The following MTRF1 variants were observed in gnomAD, a reference collection of about 807,000 sequenced individuals.
MTRF1 encodes the protein peptide chain release factor 1, mitochondrial.
MTRF1 carries 51 observed loss-of-function variants against 62.9 expected under a neutral mutation model. The observed-to-expected ratio is 0.81, with a 90% confidence interval of 0.65 to 1.02. The LOEUF (loss-of-function observed/expected upper bound fraction) is 1.02. Among genes scored for constraint, MTRF1 ranks in the 50% least tolerant of loss-of-function variants. The probability of loss-of-function intolerance (pLI) is 0.00; values close to 1 mark genes in which losing one functional copy is unlikely to be tolerated. For missense variants in MTRF1, 446 were observed against 530.0 expected (o/e 0.84, Z 1.56); for synonymous variants, 158 against 181.9 (o/e 0.87, Z 1.06).
Position 41,223,252 on chromosome 13 carries a change from T to C in MTRF1, c.1224+4A>G. 1 of 1,599,720 alleles carries C rather than the reference T, an allele frequency of 6.3e-7. No individual in the cohort carries two copies. The highest frequency in any genetic ancestry group is 2.2e-5 in the East Asian group (1 of 44,710). ...GGTAGGCAAAGCATACTCAGTAGTA[T>C]TACCTTAATATCACGAACTTCATAT... On this transcript the variant is annotated splice_donor_region_variant and intron_variant, in intron 9 of 9. Transcript: ENST00000379480.
chr13:41,290,183 G>A, the MTRF1 span, among the ~76,000 whole-genome samples: 1 of 131,160 alleles, frequency 7.6e-6, no homozygotes, highest in African/African-American at 2.9e-5. Context: ...TGCAACCTCC[G>A]CCTCCCGGGT....
intron 5 of MTRF1, among the ~76,000 whole-genome samples, chr13:41,246,487 T>A (rs1288695446): frequency 1.3e-5 from 2 of 152,178 alleles, no homozygotes; most frequent in Non-Finnish European, 2.9e-5. Context: ...CCCTTGAAAA[T>A]GCCTTAGGAA....
chr13:41,240,429 T>G lies in MTRF1; in HGVS notation c.702A>C (p.Gly234=), dbSNP rs777697458. The G allele has an allele frequency of 1.9e-6, 3 of 1,612,878 alleles. No individual in the cohort carries two copies. The highest frequency in any genetic ancestry group is 2.5e-6 in the Non-Finnish European group (3 of 1,179,448). The part of the protein sequence containing the change: ...LLNYTPADYG[G]LHHAAARISG... ...AAATTCGGGCGGCTGCATGATGTAG[T>G]CCACCTAGGGGAACAACAATCCAGA... is the stretch of plus-strand genomic sequence containing the variant. Residue 234 remains glycine, a synonymous_variant, in exon 6 of 10, where the codon GGA becomes GGC. Coordinates refer to ENST00000379480, the MANE Select transcript of MTRF1 (RefSeq NM_004294.4).
At chr13:41,283,132 A>G in the MTRF1 span, among the ~76,000 whole-genome samples, 2 of 152,224 alleles carry the variant, frequency 1.3e-5, no homozygotes, top group Non-Finnish European at 2.9e-5. Context: ...AGAGCTGTTC[A>G]TTGGGCACTA....
chr13:41,302,980 T>C, the MTRF1 span, among the ~76,000 whole-genome samples: 3 of 152,172 alleles, frequency 2.0e-5, no homozygotes, highest in Non-Finnish European at 4.4e-5. Context: ...AGGTGGAACC[T>C]GTAATTCCAG....
At chr13:41,309,431 C>T in the MTRF1 span, among the ~76,000 whole-genome samples, 1 of 151,410 alleles carries the variant, frequency 6.6e-6, no homozygotes, top group South Asian at 2.1e-4. Flanking sequence ...TCAGGGTGAT[C>T]CGCCTGCCTC....
chr13:41,301,064 T>TGCTTTGTGTCCAATAAGACACAAATA, the MTRF1 span, among the ~76,000 whole-genome samples: 4 of 152,214 alleles, frequency 2.6e-5, no homozygotes, highest in Non-Finnish European at 5.9e-5. Flanking sequence ...AATAGCAAAT[T>TGCTTTGTGTCCAATAAGACACAAATA]GCATATAGTG....
the MTRF1 span, among the ~76,000 whole-genome samples, chr13:41,307,187 G>GCCC: frequency 6.0e-5 from 9 of 151,130 alleles, no homozygotes; most frequent in South Asian, 1.9e-3. Flanking sequence ...TTGGATTTGT[G>GCCC]CCCCCCCCAC....
chr13:41,285,484 C>T, the MTRF1 span, among the ~76,000 whole-genome samples: 18 of 152,330 alleles, frequency 1.2e-4, no homozygotes, highest in Non-Finnish European at 2.2e-4. Context: ...TGGCAACAAA[C>T]CCATTGCATT....
At position 41,252,972 on chromosome 13, in the gene MTRF1, A is replaced by G; in HGVS notation, c.566T>C (p.Val189Ala). 6.2e-7 allele frequency: 1 copy of G among 1,606,780 alleles called. No individual in the cohort carries two copies. The highest frequency in any genetic ancestry group is 8.5e-7 in the Non-Finnish European group (1 of 1,177,160). ...ACCTCCAGTAGTCCTTCCAGCTGTC[A>G]CCTCTAAAATAACATCATTTTTGTC... is the stretch of plus-strand genomic sequence containing the variant. ...KYDKNDVILE[V>A]TAGRTTGGDI... The change falls in exon 4 of 10, where the codon GTG (valine) becomes GCG (alanine). Residue 189 changes from valine (V) to alanine (A), a missense_variant. By Grantham distance (64) the Val-to-Ala change is moderately conservative. Transcript: ENST00000379480.
At chr13:41,248,330 C>A (rs1433023336) in intron 5 of MTRF1, among the ~76,000 whole-genome samples, 1 of 152,190 alleles carries the variant, frequency 6.6e-6, no homozygotes, top group Non-Finnish European at 1.5e-5. Flanking sequence ...CCATGTTGGC[C>A]AAGATGGTCT....
rs144028093 is a variant in MTRF1 at position 41,239,900 on chromosome 13, C to T, written c.870+361G>A. ...TTTCGGCTGGGTGCGGTGGCTCACA[C>T]CTGTAATCCCACCACTTTGGAAGGG... On this transcript the variant is annotated intron_variant, in intron 6 of 9. Coordinates refer to ENST00000379480, the MANE Select transcript of MTRF1 (RefSeq NM_004294.4). Among the ~76,000 whole-genome samples, 1,436 of 152,208 alleles carry T rather than the reference C, an allele frequency of 9.4e-3. 22 individuals carry two copies. Among genetic ancestry groups the T allele is most frequent in the African/African-American group, 0.033 (1,353 of 41,508 alleles).
chr13:41,249,264 G>T (rs545801104), intron 5 of MTRF1, among the ~76,000 whole-genome samples: 22 of 152,142 alleles, frequency 1.4e-4, no homozygotes, highest in African/African-American at 4.6e-4. Flanking sequence ...TTTTTAGGCC[G>T]GGCGCGGTGG....
Position 41,240,282 on chromosome 13 carries a change from A to G in MTRF1, c.849T>C (p.Ile283=). The change falls in exon 6 of 10, where the codon ATT becomes ATC. Residue 283 remains isoleucine (I), a synonymous_variant. Transcript: ENST00000379480. ...QRIHTGTMSV[I]VLPQPDEVDV... is the part of the protein sequence containing the mutation. ...TTACCTCATCTGGCTGAGGAAGGAC[A>G]ATAACCGACATCGTTCCTGTGTGAA... 2 of 1,610,334 alleles carry G rather than the reference A, an allele frequency of 1.2e-6. No homozygotes were observed. The highest frequency in any genetic ancestry group is 1.3e-5 in the African/African-American group (1 of 74,868).
chr13:41,270,737 T>G, the MTRF1 span, among the ~76,000 whole-genome samples: 1 of 128,274 alleles, frequency 7.8e-6, no homozygotes, highest in Non-Finnish European at 1.7e-5. Flanking sequence ...TATTTTTTAT[T>G]TTTTAATTTA....
rs202192139 is a variant in MTRF1 at position 41,254,555 on chromosome 13, G to A, written c.481C>T (p.Gln161Ter). 6.2e-7 allele frequency: 1 copy of A among 1,613,374 alleles called. No homozygotes were observed. The highest frequency in any genetic ancestry group is 1.1e-5 in the South Asian group (1 of 90,948). The change falls in exon 3 of 10, where the codon CAA (glutamine) becomes TAA (stop). Residue 161 changes from glutamine to a stop codon, truncating the protein, a stop_gained. Transcript: ENST00000379480. LOFTEE classifies it high-confidence loss of function. ...TCATTGTACAACATGTTGATTTTTT[G>A]ATCAATGGTTTGCCTTTCTTCCAGT... ...LALEERQTIDQKINMLYNELF... is the reference protein window; with the variant it reads ...LALEERQTID
chr13:41,234,013 A>C lies in MTRF1; in HGVS notation c.871-6T>G. On this transcript the variant is annotated splice_region_variant and splice_polypyrimidine_tract_variant and intron_variant, in intron 6 of 9. Transcript: ENST00000379480. ...GGGTCCAATTTCACATCCACCTAGA[A>C]CAGAAGGCATGGCATAATTCTACAC... is the stretch of plus-strand genomic sequence containing the variant. The C allele has an allele frequency of 6.3e-7, 1 of 1,594,342 alleles. No individual in the cohort carries two copies. Among genetic ancestry groups the C allele is most frequent in the Middle Eastern group, 1.7e-4 (1 of 6,020 alleles).
At chr13:41,237,217 TCAAA>T (rs2036766553) in intron 6 of MTRF1, among the ~76,000 whole-genome samples, 2 of 19,072 alleles carry the variant, frequency 1.0e-4, no homozygotes, top group Admixed American at 7.1e-4. Context: ...AGAATCTGTC[TCAAA>T]AAAAAAAAAA....
chr13:41,281,912 A>G, the MTRF1 span, among the ~76,000 whole-genome samples: 1 of 152,060 alleles, frequency 6.6e-6, no homozygotes, highest in Non-Finnish European at 1.5e-5. Flanking sequence ...CGAGGTGGGC[A>G]GATCACGAGG....
Sources: gnomAD v4.1 joint callset for allele counts (sites outside exome capture counted in the v4.1 genomes callset) on GRCh38, gnomAD v4.1.1 for gene constraint, MANE v1.5 for transcripts, NCBI Gene and HGNC (gene_info 2026-07-23, HGNC 2026-07-21) for gene names.